The following GUCY1A2 variants were observed in gnomAD, a reference collection of about 807,000 sequenced individuals.
The protein encoded by GUCY1A2 is guanylate cyclase 1 soluble subunit alpha 2.
In GUCY1A2, 27 loss-of-function variants were observed where a neutral mutation model predicts 63.5. That is an observed-to-expected ratio of 0.43 (90% CI 0.31 to 0.59). GUCY1A2 has a LOEUF of 0.59. Ranked by LOEUF, GUCY1A2 falls within the 20% of genes least tolerant of loss-of-function variation. GUCY1A2 has a pLI of 0.11. For synonymous variants in GUCY1A2, 364 were observed against 343.5 expected, an observed-to-expected ratio of 1.06 and a Z score of -0.66; for missense variants, 768 against 913.3, an observed-to-expected ratio of 0.84 and a Z score of 2.05.
At chr11:106,856,554 TA>T (rs1183402052) in intron 4 of GUCY1A2, among the ~76,000 whole-genome samples, 2 of 152,232 alleles carry the variant, frequency 1.3e-5, no homozygotes, top group Non-Finnish European at 2.9e-5. Context: ...GAAACTATGT[TA>T]AATATTTCTG....
intron 6 of GUCY1A2, among the ~76,000 whole-genome samples, chr11:106,713,945 C>T (rs1030585007): frequency 5.9e-5 from 9 of 151,630 alleles, no homozygotes; most frequent in Non-Finnish European, 1.0e-4. Context: ...ATTACTACAG[C>T]GATCTTTTCA....
At chr11:106,786,534 G>T (rs2135409339) in intron 5 of GUCY1A2, among the ~76,000 whole-genome samples, 1 of 152,282 alleles carries the variant, frequency 6.6e-6, no homozygotes, top group Non-Finnish European at 1.5e-5. Context: ...TCCTGCACAG[G>T]AATGTCCATC....
chr11:106,728,542 A>G (rs1250123516), intron 6 of GUCY1A2, among the ~76,000 whole-genome samples: 1 of 152,182 alleles, frequency 6.6e-6, no homozygotes, highest in Non-Finnish European at 1.5e-5. Context: ...AACACAAGCC[A>G]TGTGGATGTG....
At chr11:106,816,628 A>C (rs1375005882) in intron 4 of GUCY1A2, among the ~76,000 whole-genome samples, 1 of 151,750 alleles carries the variant, frequency 6.6e-6, no homozygotes, top group Admixed American at 6.6e-5. Context: ...ATGAAATTAC[A>C]AACAGGAAAA....
intron 4 of GUCY1A2, among the ~76,000 whole-genome samples, chr11:106,886,513 T>C (rs971493208): frequency 2.0e-5 from 3 of 152,166 alleles, no homozygotes; most frequent in South Asian, 2.1e-4. Context: ...ACCACATATG[T>C]ATATGATATT....
At chr11:106,981,787 C>T (rs1591353326) in intron 2 of GUCY1A2, among the ~76,000 whole-genome samples, 1 of 151,552 alleles carries the variant, frequency 6.6e-6, no homozygotes, top group South Asian at 2.1e-4. Flanking sequence ...GAGAAGAAAA[C>T]TGCAGTTAGA....
chr11:106,955,480 T>A (rs576087104), intron 3 of GUCY1A2, among the ~76,000 whole-genome samples: 1 of 152,210 alleles, frequency 6.6e-6, no homozygotes, highest in Non-Finnish European at 1.5e-5. Flanking sequence ...TTTTAGGAGC[T>A]CTTGCAGGGC....
intron 4 of GUCY1A2, among the ~76,000 whole-genome samples, chr11:106,934,159 G>C (rs1398869192): frequency 6.6e-6 from 1 of 152,166 alleles, no homozygotes; most frequent in Admixed American, 6.5e-5. Context: ...TCAGAGAGCA[G>C]TTCTAGAGAA....
intron 6 of GUCY1A2, among the ~76,000 whole-genome samples, chr11:106,709,146 T>C (rs1054947221): frequency 7.4e-6 from 1 of 134,552 alleles, no homozygotes; most frequent in Non-Finnish European, 1.5e-5. Flanking sequence ...GTTATATATA[T>C]TATATACATG....
intron 6 of GUCY1A2, among the ~76,000 whole-genome samples, chr11:106,735,981 A>G (rs535607963): frequency 6.6e-6 from 1 of 151,498 alleles, no homozygotes; most frequent in African/African-American, 2.4e-5. Flanking sequence ...TCAAATTATT[A>G]GTTTTTTTTC....
chr11:107,005,207 GAGAC>G (rs1285500042), intron 1 of GUCY1A2, among the ~76,000 whole-genome samples: 1 of 152,202 alleles, frequency 6.6e-6, no homozygotes, highest in African/African-American at 2.4e-5. Context: ...ATAAGGGGCA[GAGAC>G]AGACAGAGGG....
At chr11:106,733,206 T>C (rs1591252978) in intron 6 of GUCY1A2, among the ~76,000 whole-genome samples, 1 of 136,064 alleles carries the variant, frequency 7.3e-6, no homozygotes, top group Admixed American at 7.5e-5. Flanking sequence ...CTAGGAGTTT[T>C]ATTTTTTTAA....
chr11:106,938,265 T>G (rs1005543318), intron 4 of GUCY1A2, among the ~76,000 whole-genome samples: 1 of 152,084 alleles, frequency 6.6e-6, no homozygotes, highest in Non-Finnish European at 1.5e-5. Context: ...ATATTTTTTT[T>G]AAAAAACTTT....
chr11:106,730,082 ATATATATATATATT>A (rs1353552173), intron 6 of GUCY1A2, among the ~76,000 whole-genome samples: 15 of 132,478 alleles, frequency 1.1e-4, no homozygotes, highest in South Asian at 9.6e-4. Flanking sequence ...ATATATATAT[ATATATATATATATT>A]ATAGTATATA....
intron 4 of GUCY1A2, among the ~76,000 whole-genome samples, chr11:106,898,523 G>A (rs1262792588): frequency 2.0e-5 from 3 of 152,032 alleles, no homozygotes; most frequent in Non-Finnish European, 4.4e-5. Flanking sequence ...AAAGAAATGG[G>A]CTATCAAGCT....
intron 3 of GUCY1A2, among the ~76,000 whole-genome samples, chr11:106,947,602 A>G (rs1565340270): frequency 6.6e-6 from 1 of 152,066 alleles, no homozygotes; most frequent in Admixed American, 6.5e-5. Flanking sequence ...TTGCTCAAAT[A>G]CTTGATCATA....
intron 6 of GUCY1A2, among the ~76,000 whole-genome samples, chr11:106,734,753 G>C (rs771761928): frequency 1.1e-4 from 17 of 151,950 alleles, no homozygotes; most frequent in Non-Finnish European, 2.2e-4. Flanking sequence ...TCATTCTCTG[G>C]GACATCAAGA....
Position 106,976,953 on chromosome 11 carries a change from G to C in GUCY1A2, c.487+1666C>G, listed in dbSNP as rs563715309. 6.7e-5 allele frequency among the ~76,000 whole-genome samples: 10 copies of C among 148,170 alleles called. No homozygotes were observed. In the South Asian group the frequency reaches 2.2e-3, roughly 32 times the overall value. ...GAAAACCATTTCAAATTGACCCAGGGTTTCTCTCCGTGGGAATTGTGCACA... is the reference window on the plus strand; with the variant it reads ...GAAAACCATTTCAAATTGACCCAGGCTTTCTCTCCGTGGGAATTGTGCACA... On this transcript the variant is annotated intron_variant, in intron 3 of 7. Transcript: ENST00000526355.
At chr11:106,962,794 T>C (rs1483633617) in intron 3 of GUCY1A2, among the ~76,000 whole-genome samples, 1 of 148,568 alleles carries the variant, frequency 6.7e-6, no homozygotes, top group Non-Finnish European at 1.5e-5. Context: ...ATATATAAAA[T>C]ATATATACAC....
Sources: gnomAD v4.1 joint callset for allele counts (sites outside exome capture counted in the v4.1 genomes callset) on GRCh38, gnomAD v4.1.1 for gene constraint, MANE v1.5 for transcripts, NCBI Gene and HGNC (gene_info 2026-07-23, HGNC 2026-07-21) for gene names.